The following GLI2 variants were observed in gnomAD, a reference collection of about 807,000 sequenced individuals.
The protein encoded by GLI2 is transcription activator GLI2.
Under a neutral mutation model 78.9 loss-of-function variants are expected in GLI2, and 22 were observed. That is an observed-to-expected ratio of 0.28 (90% CI 0.20 to 0.40). The LOEUF (loss-of-function observed/expected upper bound fraction) is 0.40. Among genes scored for constraint, GLI2 ranks in the 10% least tolerant of loss-of-function variants. The pLI is 1.00. For missense variants in GLI2, 2,097 were observed against 2,213.2 expected (o/e 0.95, Z 1.05); for synonymous variants, 974 against 963.7 (o/e 1.01, Z -0.20).
At chr2:120,830,036 G>A (rs1038747611) in intron 2 of GLI2, among the ~76,000 whole-genome samples, 6 of 152,188 alleles carry the variant, frequency 3.9e-5, no homozygotes, top group African/African-American at 1.2e-4. Flanking sequence ...GAGCAGAAGC[G>A]CCTTGGGTGA....
chr2:120,897,503 T>C (rs977699647), intron 2 of GLI2, among the ~76,000 whole-genome samples: 2 of 152,164 alleles, frequency 1.3e-5, no homozygotes, highest in African/African-American at 2.4e-5. Flanking sequence ...ATGTGTTACT[T>C]TGTAAGGAGG....
intron 2 of GLI2, among the ~76,000 whole-genome samples, chr2:120,918,583 G>A (rs1177377954): frequency 1.3e-5 from 2 of 151,980 alleles, no homozygotes; most frequent in Admixed American, 6.6e-5. Flanking sequence ...TGGGATTACA[G>A]GCTTGCACCA....
chr2:120,855,260 C>T (rs974026865), intron 2 of GLI2, among the ~76,000 whole-genome samples: 3 of 152,304 alleles, frequency 2.0e-5, no homozygotes, highest in East Asian at 1.9e-4. Context: ...TCCGGCTGCA[C>T]GCTGACCCTG....
intron 2 of GLI2, among the ~76,000 whole-genome samples, chr2:120,856,064 T>G (rs1687629513): frequency 6.6e-6 from 1 of 152,188 alleles, no homozygotes; most frequent in African/African-American, 2.4e-5. Context: ...AGGGGTCATT[T>G]GAGGCTCAGG....
intron 2 of GLI2, among the ~76,000 whole-genome samples, chr2:120,810,968 G>A (rs539510844): frequency 5.3e-5 from 8 of 152,310 alleles, no homozygotes; most frequent in South Asian, 2.1e-4. Flanking sequence ...GTCTCATTCC[G>A]GGTGATTCCA....
chr2:120,786,036 A>G (rs1424261738), intron 1 of GLI2, among the ~76,000 whole-genome samples: 1 of 152,220 alleles, frequency 6.6e-6, no homozygotes, highest in Non-Finnish European at 1.5e-5. Context: ...CAGAGGGGTT[A>G]GAAACACGTG....
intron 3 of GLI2, among the ~76,000 whole-genome samples, chr2:120,934,046 T>C (rs538965750): frequency 3.3e-5 from 5 of 152,348 alleles, no homozygotes; most frequent in Admixed American, 1.3e-4. Flanking sequence ...GGAGTTCTTG[T>C]TGATTTTCAG....
At chr2:120,855,529 C>T (rs1687603009) in intron 2 of GLI2, among the ~76,000 whole-genome samples, 1 of 152,202 alleles carries the variant, frequency 6.6e-6, no homozygotes, top group Non-Finnish European at 1.5e-5. Context: ...ACCCTCTTCC[C>T]ATCACTAAGG....
chr2:120,952,469 G>C (rs556068524), intron 4 of GLI2, among the ~76,000 whole-genome samples: 1 of 152,338 alleles, frequency 6.6e-6, no homozygotes, highest in South Asian at 2.1e-4. Context: ...CTGGCTCTGA[G>C]AATGTGCAGG....
chr2:120,977,600 G>A (rs1008521029), intron 9 of GLI2, among the ~76,000 whole-genome samples: 1 of 152,210 alleles, frequency 6.6e-6, no homozygotes, highest in Admixed American at 6.5e-5. Context: ...GAACAGAGGA[G>A]GAAGGGGAGG....
At chr2:120,752,384 C>T (rs1682904097) in intron 1 of GLI2, among the ~76,000 whole-genome samples, 1 of 151,542 alleles carries the variant, frequency 6.6e-6, no homozygotes, top group Non-Finnish European at 1.5e-5. Flanking sequence ...TATTCTCCTG[C>T]CTCAACCTCC....
intron 1 of GLI2, among the ~76,000 whole-genome samples, chr2:120,752,923 C>T (rs1682921591): frequency 6.6e-6 from 1 of 152,124 alleles, no homozygotes; most frequent in Non-Finnish European, 1.5e-5. Flanking sequence ...TATGGTTATA[C>T]CATCGGTTAT....
At chr2:120,801,050 G>A (rs139339081) in intron 2 of GLI2, among the ~76,000 whole-genome samples, 1 of 152,082 alleles carries the variant, frequency 6.6e-6, no homozygotes, top group Admixed American at 6.5e-5. Context: ...CACCAGTTCC[G>A]AGAGCTTCCA....
intron 9 of GLI2, among the ~76,000 whole-genome samples, chr2:120,976,596 G>A (rs1379669389): frequency 6.6e-6 from 1 of 152,230 alleles, no homozygotes; most frequent in African/African-American, 2.4e-5. Flanking sequence ...GCCAGGGGAA[G>A]GCCAAAGCCA....
At chr2:120,964,541 C>T (rs915923383) in intron 5 of GLI2, among the ~76,000 whole-genome samples, 4 of 152,182 alleles carry the variant, frequency 2.6e-5, no homozygotes, top group African/African-American at 2.4e-5. Flanking sequence ...GAGGCGTTCA[C>T]GAGCCCACAC....
intron 1 of GLI2, among the ~76,000 whole-genome samples, chr2:120,779,540 G>C (rs1235242865): frequency 2.0e-5 from 3 of 152,238 alleles, no homozygotes; most frequent in Admixed American, 6.5e-5. Context: ...TGGCCCAAGA[G>C]TTGGGAGCCA....
intron 1 of GLI2, among the ~76,000 whole-genome samples, chr2:120,785,028 C>G (rs1027954459): frequency 6.6e-6 from 1 of 152,194 alleles, no homozygotes; most frequent in Non-Finnish European, 1.5e-5. Context: ...TAAAGAACGT[C>G]GAGCTTGTCT....
At chr2:120,948,463 G>A (rs1680822286) in intron 3 of GLI2, among the ~76,000 whole-genome samples, 1 of 152,166 alleles carries the variant, frequency 6.6e-6, no homozygotes, top group Admixed American at 6.5e-5. Flanking sequence ...CCAAATGGTG[G>A]CAACTGCACC....
chr2:120,789,071 C>T lies in GLI2; in HGVS notation c.-30-8220C>T, dbSNP rs1287934963. On this transcript the variant is annotated intron_variant, in intron 1 of 13. Coordinates refer to ENST00000361492, the MANE Select transcript of GLI2 (RefSeq NM_001374353.1). Reference sequence around the variant, plus strand: ...TTTTTGAGACGGAGTCTCACTCTGTCGCCAGGCTGGAGTGTAGCGACACGA... The same window carrying T: ...TTTTTGAGACGGAGTCTCACTCTGTTGCCAGGCTGGAGTGTAGCGACACGA... Among the ~76,000 whole-genome samples, 21 of 137,508 alleles carry T rather than the reference C, an allele frequency of 1.5e-4. 1 individual carries two copies. The highest frequency in any genetic ancestry group is 4.6e-3 in the Middle Eastern group (1 of 218). The allele number at this position is 137,508 out of a possible 152,430, so 90.2% of individuals were successfully genotyped here. A position where few individuals can be genotyped will look rare whatever the true frequency, so the allele number is the denominator to read the frequency against.
Sources: allele counts gnomAD v4.1 joint callset (sites outside exome capture counted in the v4.1 genomes callset), GRCh38; gene constraint gnomAD v4.1.1; transcripts MANE v1.5; gene names NCBI Gene and HGNC (gene_info 2026-07-23, HGNC 2026-07-21).